PRX: variants seen among roughly 807,000 people sequenced by gnomAD.
The protein encoded by PRX is periaxin.
A neutral mutation model predicts 29.6 loss-of-function variants in PRX; 24 were observed. The ratio of observed to expected loss-of-function variants is 0.81; its 90% CI spans 0.59 to 1.14. The LOEUF (loss-of-function observed/expected upper bound fraction) is 1.14, where lower values mean the gene tolerates loss of function less well. PRX is among the 50% of genes most tolerant of loss of function. The probability of loss-of-function intolerance (pLI) is 0.00; values close to 1 mark genes in which losing one functional copy is unlikely to be tolerated. For synonymous variants in PRX, 772 were observed against 831.7 expected (o/e 0.93, Z 1.24); for missense variants, 1,838 against 1,926.4 (o/e 0.95, Z 0.86).
chr19:40,411,693 C>T (rs201709800), intron 1 of PRX, among the ~76,000 whole-genome samples: 2 of 152,126 alleles, frequency 1.3e-5, no homozygotes. Context: ...GGGGCAGCTT[C>T]GGAAGGAAAC....
In PRX at chr19:40,397,771, C is replaced by T. The variant is rs1360390911; in HGVS notation, c.581G>A (p.Arg194His). The part of the protein sequence containing the change: ...ARRRLQLPRL[R>H]VREVAEEAQA... ...AGCCTCTTCGGCCACTTCTCGTACA[C>T]GCAGCCGAGGCAGCTGGAGGCGCCG... Residue 194 changes from arginine to histidine, a missense_variant, in exon 7 of 7, where the codon CGT (arginine) becomes CAT (histidine). Around this residue, in one of 3 missense-constraint regions of PRX, gnomAD observed 666 missense variants for 665.0 expected, o/e 1.00. Coordinates refer to ENST00000324001, the MANE Select transcript of PRX (RefSeq NM_181882.3). 1.3e-5 allele frequency: 20 copies of T among 1,568,120 alleles called. No homozygotes were observed. The highest frequency in any genetic ancestry group is 2.3e-5 in the South Asian group (2 of 85,852).
Position 40,407,877 on chromosome 19 carries a change from T to C in PRX, c.27+29A>G, listed in dbSNP as rs754030030. 3.1e-6 allele frequency: 5 copies of C among 1,612,548 alleles called. No individual in the cohort carries two copies. The African/African-American group carries it at 4.0e-5, about 13-fold the overall frequency. On this transcript the variant is annotated intron_variant, in intron 4 of 6. Transcript: ENST00000324001. Reference sequence around the variant, plus strand: ...TCTGTGCCTCCCCATTGCCCTCAAGTGCGCCTTGCAGGACACGTGGGCACT... The same window carrying C: ...TCTGTGCCTCCCCATTGCCCTCAAGCGCGCCTTGCAGGACACGTGGGCACT...
chr19:40,407,871 C>T (rs1158376704), intron 4 of PRX, 35 bp downstream of exon 4: 1 of 1,612,220 alleles, frequency 6.2e-7, no homozygotes, highest in Non-Finnish European at 8.5e-7. Flanking sequence ...CCCCATTGCC[C>T]TCAAGTGCGC....
At position 40,398,654 on chromosome 19, in the gene PRX, T is replaced by G; in HGVS notation, c.347A>C (p.Glu116Ala). ...CACCTTGGCCCGCGGGCCCTTGATC[T>G]CGTAGCCAGACACGGTCCCGGGCCG... Reference protein sequence around the residue: ...ALRPGTVSGYEIKGPRAKVAK... With the variant: ...ALRPGTVSGYAIKGPRAKVAK... The change falls in exon 6 of 7, where the codon GAG becomes GCG. Residue 116 changes from glutamate (E) to alanine (A), a missense_variant. Coordinates refer to ENST00000324001, the MANE Select transcript of PRX (RefSeq NM_181882.3). This position sits in a 1 kb window ranked among gnomAD's most constrained non-coding sequence, Gnocchi z 6.3. 1.2e-6 allele frequency: 2 copies of G among 1,613,336 alleles called. No homozygotes were observed. Among genetic ancestry groups the G allele is most frequent in the Non-Finnish European group, 1.7e-6 (2 of 1,179,762 alleles).
chr19:40,395,531 G>A lies in PRX; in HGVS notation c.2821C>T (p.Pro941Ser). The A allele has an allele frequency of 6.2e-7, 1 of 1,614,176 alleles. No individual in the cohort carries two copies. Among genetic ancestry groups the A allele is most frequent in the Non-Finnish European group, 8.5e-7 (1 of 1,180,028 alleles). Residue 941 changes from proline (P) to serine (S), a missense_variant, in exon 7 of 7, where the codon CCA becomes TCA. By Grantham distance (74) the Pro-to-Ser change is moderately conservative (BLOSUM62 -1). Coordinates refer to ENST00000324001, the MANE Select transcript of PRX (RefSeq NM_181882.3). ...TCAGCCTCTGCCTTAGCCACCTTTG[G>A]CCCCGAGAGTCCAAACTTAGGTAAG... ...FSLPKFGLSG[P>S]KVAKAEAEGA...
chr19:40,401,786 T>TA (rs917649030), intron 5 of PRX, among the ~76,000 whole-genome samples: 27 of 146,270 alleles, frequency 1.8e-4, no homozygotes, highest in Non-Finnish European at 3.5e-4. Flanking sequence ...TTTTTTTTTT[T>TA]AGGCGGAGTT....
At position 40,396,942 on chromosome 19, in the gene PRX, G is replaced by T; in HGVS notation, c.1410C>A (p.Leu470=). ...LPEVRLPEVE[L]PKVSEMKLPK... ...GGAGTTTCATCTCTGACACCTTGGG[G>T]AGCTCCACCTCTGGGAGTCGAACCT... The change falls in exon 7 of 7, where the codon CTC becomes CTA. Residue 470 remains leucine, a synonymous_variant. Coordinates refer to ENST00000324001, the MANE Select transcript of PRX (RefSeq NM_181882.3). 1 of 1,614,092 alleles carries T rather than the reference G, an allele frequency of 6.2e-7. No individual in the cohort carries two copies. Among genetic ancestry groups the T allele is most frequent in the Non-Finnish European group, 8.5e-7 (1 of 1,180,016 alleles).
In PRX at chr19:40,403,734, G is replaced by A. The variant is rs761243357; in HGVS notation, c.156C>T (p.Pro52=). 3.8e-6 allele frequency: 6 copies of A among 1,568,324 alleles called. No individual in the cohort carries two copies. The highest frequency in any genetic ancestry group is 3.5e-5 in the South Asian group (3 of 85,710). Residue 52 remains proline, a synonymous_variant, in exon 5 of 7, where the codon CCC becomes CCT. Transcript: ENST00000324001. ...CCTGCAGGCTGAGGCTCCTGGCGGCGGGTGAGTCCTCGCGCAGCTCCCGAA... is the reference window on the plus strand; with the variant it reads ...CCTGCAGGCTGAGGCTCCTGGCGGCAGGTGAGTCCTCGCGCAGCTCCCGAA... ...IFVRELREDS[P]AARSLSLQEG...
At position 40,397,203 on chromosome 19, in the gene PRX, C is replaced by T; in HGVS notation, c.1149G>A (p.Glu383=). ...AEAKVAKVSP[E]ARVKGPRLRM... is the part of the protein sequence containing the mutation. The stretch of plus-strand genomic sequence containing the variant: ...GAAGTCTGGGACCTTTCACCCTGGC[C>T]TCAGGGCTGACCTTGGCTACCTTGG... Residue 383 remains glutamate (E), a synonymous_variant, in exon 7 of 7, where the codon GAG becomes GAA. Coordinates refer to ENST00000324001, the MANE Select transcript of PRX (RefSeq NM_181882.3). 3.7e-6 allele frequency: 6 copies of T among 1,613,984 alleles called. No individual in the cohort carries two copies. Among genetic ancestry groups the T allele is most frequent in the Non-Finnish European group, 5.1e-6 (6 of 1,180,026 alleles).
At position 40,394,258 on chromosome 19, in the gene PRX, T is replaced by C. The variant is rs1342190579; in HGVS notation, c.4094A>G (p.Glu1365Gly). 1.2e-6 allele frequency: 2 copies of C among 1,609,730 alleles called. No individual in the cohort carries two copies. The highest frequency in any genetic ancestry group is 1.7e-6 in the Non-Finnish European group (2 of 1,176,868). Residue 1365 changes from glutamate (E) to glycine (G), a missense_variant, in exon 7 of 7, where the codon GAA becomes GGA. Around this residue, in one of 3 missense-constraint regions of PRX, gnomAD observed 1,143 missense variants for 1,193.0 expected, o/e 0.96. Coordinates refer to ENST00000324001, the MANE Select transcript of PRX (RefSeq NM_181882.3). The surrounding 1 kb of genome is among the most constrained non-coding windows in gnomAD (Gnocchi z 5.8). Reference sequence around the variant, plus strand: ...CCGGCCCCGGCGACCCGAGGCCCCTTCCCCACTGCCCTCTTCCTCCTCCTC... The same window carrying C: ...CCGGCCCCGGCGACCCGAGGCCCCTCCCCCACTGCCCTCTTCCTCCTCCTC... ...EEEEEEEGSG[E>G]GASGRRGRVR...
At chr19:40,406,146 C>CT (rs2079528928) in intron 4 of PRX, among the ~76,000 whole-genome samples, 1 of 151,106 alleles carries the variant, frequency 6.6e-6, no homozygotes, top group African/African-American at 2.4e-5. Context: ...ACTCGGGAGA[C>CT]TGAGGCAGGA....
intron 1 of PRX, among the ~76,000 whole-genome samples, chr19:40,409,212 T>G (rs940282900): frequency 1.8e-4 from 27 of 151,780 alleles, no homozygotes; most frequent in African/African-American, 6.5e-4. Flanking sequence ...TTGCCCAAAC[T>G]GAGCTCCAAC....
At chr19:40,399,333 T>C (rs1424137042) in intron 5 of PRX, among the ~76,000 whole-genome samples, 1 of 152,108 alleles carries the variant, frequency 6.6e-6, no homozygotes, top group African/African-American at 2.4e-5. Flanking sequence ...CATACAAACA[T>C]ATTATTATTT....
In PRX at chr19:40,394,458, T is replaced by G. The variant is rs202219076; in HGVS notation, c.3894A>C (p.Gly1298=). ...HAEYQVAEGE[G]EAGHKLKVRL... ...GTACCTTGAGCTTGTGTCCGGCCTC[T>G]CCCTCCCCCTCTGCCACCTGGTACT... Residue 1298 remains glycine, a synonymous_variant, in exon 7 of 7, where the codon GGA becomes GGC. Transcript: ENST00000324001. This position sits in a 1 kb window ranked among gnomAD's most constrained non-coding sequence, Gnocchi z 5.8. 6.9e-6 allele frequency: 11 copies of G among 1,601,044 alleles called. No individual in the cohort carries two copies. The highest frequency in any genetic ancestry group is 9.4e-6 in the Non-Finnish European group (11 of 1,174,106).
At chr19:40,399,907 T>TTTCTTTCTTTCTTTC (rs1568712005) in intron 5 of PRX, among the ~76,000 whole-genome samples, 2 of 90,700 alleles carry the variant, frequency 2.2e-5, no homozygotes, top group Non-Finnish European at 4.5e-5. Flanking sequence ...TTCTTTCTTT[T>TTTCTTTCTTTCTTTC]TCTTTCTTTC....
Position 40,408,264 on chromosome 19 carries a change from G to A in PRX, c.-198-8C>T, listed in dbSNP as rs1024678182. 1.4e-5 allele frequency: 7 copies of A among 501,340 alleles called. No individual in the cohort carries two copies. Among genetic ancestry groups the A allele is most frequent in the Non-Finnish European group, 2.2e-5 (6 of 274,098 alleles). 31.1% of individuals were successfully genotyped at this position (501,340 alleles called of 1,614,324 possible). A position where few individuals can be genotyped will look rare whatever the true frequency, so the allele number is the denominator to read the frequency against. On this transcript the variant is annotated splice_polypyrimidine_tract_variant and splice_region_variant and intron_variant, in intron 2 of 6. Coordinates refer to ENST00000324001, the MANE Select transcript of PRX (RefSeq NM_181882.3). ...CCGTGGGGTTCTTGCTGCCTGCCAG[G>A]GAAAGGCCAGGATGTGAAGCTCCAG...
In PRX at chr19:40,395,871, G is replaced by C; in HGVS notation, c.2481C>G (p.Val827=). Residue 827 remains valine (V), a synonymous_variant, in exon 7 of 7, where the codon GTC becomes GTG. Transcript: ENST00000324001. ...AGGGAAGTGTTACCAGCTTCCCTGA[G>C]ACCTCAGCACCCGCCTCGCCTGGCT... ...RGKPGEAGAE[V]SGKLVTLPCL... 6.2e-7 allele frequency: 1 copy of C among 1,614,200 alleles called. No homozygotes were observed. The highest frequency in any genetic ancestry group is 8.5e-7 in the Non-Finnish European group (1 of 1,180,050).
chr19:40,401,912 C>A (rs1268237425), intron 5 of PRX, among the ~76,000 whole-genome samples: 1 of 152,062 alleles, frequency 6.6e-6, no homozygotes, highest in Non-Finnish European at 1.5e-5. Flanking sequence ...TACCACCACA[C>A]CCGGCTAATT....
At position 40,397,591 on chromosome 19, in the gene PRX, G is replaced by A. The variant is rs748153822; in HGVS notation, c.761C>T (p.Pro254Leu). 12 of 1,542,266 alleles carry A rather than the reference G, an allele frequency of 7.8e-6. No individual in the cohort carries two copies. Among genetic ancestry groups the A allele is most frequent in the Non-Finnish European group, 1.0e-5 (12 of 1,148,318 alleles). The change falls in exon 7 of 7, where the codon CCC (proline) becomes CTC (leucine). Residue 254 changes from proline to leucine, a missense_variant. This residue lies in a region of PRX where 666 missense variants were observed against 665.0 expected (regional missense o/e 1.00). Coordinates refer to ENST00000324001, the MANE Select transcript of PRX (RefSeq NM_181882.3). ...TGCCTCTGCTGAGGGGGCAGCCTTG[G>A]GGGCTGAGACCTGGGGGACACCCAC... ...AEVGVPQVSA[P>L]KAAPSAEAAG...
Sources: gnomAD v4.1 joint callset for allele counts (sites outside exome capture counted in the v4.1 genomes callset) on GRCh38, gnomAD v4.1.1 for gene constraint, gnomAD v4.1.1 regional missense constraint, Gnocchi (gnomAD v3.1) non-coding constraint, MANE v1.5 for transcripts, NCBI Gene and HGNC (gene_info 2026-07-23, HGNC 2026-07-21) for gene names.